The following CEP192 variants were observed in gnomAD, a reference collection of about 807,000 sequenced individuals.
CEP192 encodes the protein centrosomal protein of 192 kDa.
CEP192 carries 151 observed loss-of-function variants against 271.8 expected under a neutral mutation model. The ratio of observed to expected loss-of-function variants is 0.56; its 90% CI spans 0.49 to 0.64. CEP192 has a LOEUF of 0.64. CEP192 is among the 30% of genes least tolerant of loss of function. CEP192 has a pLI of 0.00. For missense variants in CEP192, 2,910 were observed against 3,020.5 expected, an observed-to-expected ratio of 0.96 and a Z score of 0.86; for synonymous variants, 995 against 1,076.5, an observed-to-expected ratio of 0.92 and a Z score of 1.48.
chr18:13,092,386 T>G lies in CEP192; in HGVS notation c.6113T>G (p.Leu2038Arg), dbSNP rs763043607. ...TTATTTTCTATTTCAGTATATGATCTTCCCCAACGACCTAATGATGTTCAG... is the reference window on the plus strand; with the variant it reads ...TTATTTTCTATTTCAGTATATGATCGTCCCCAACGACCTAATGATGTTCAG... The part of the protein sequence containing the change: ...DELLVTEVYD[L>R]PQRPNDVQLF... Residue 2038 changes from leucine to arginine, a missense_variant, in exon 34 of 45, where the codon CTT (leucine) becomes CGT (arginine). Physicochemically the swap from Leu to Arg is moderately radical, Grantham distance 102. Transcript: ENST00000506447. 1 of 1,591,818 alleles carries G rather than the reference T, an allele frequency of 6.3e-7. No homozygotes were observed. The highest frequency in any genetic ancestry group is 2.3e-5 in the East Asian group (1 of 44,384).
Position 13,124,664 on chromosome 18 carries a change from T to C in CEP192, c.7508T>C (p.Phe2503Ser), listed in dbSNP as rs778073668. 3 of 1,614,084 alleles carry C rather than the reference T, an allele frequency of 1.9e-6. No individual in the cohort carries two copies. Among genetic ancestry groups the C allele is most frequent in the Non-Finnish European group, 2.5e-6 (3 of 1,179,960 alleles). The change falls in exon 45 of 45, where the codon TTC becomes TCC. Residue 2503 changes from phenylalanine (F) to serine (S), a missense_variant. Transcript: ENST00000506447. Reference protein sequence around the residue: ...AQHYINMPVQFKPKSAGKFEA... With the variant: ...AQHYINMPVQSKPKSAGKFEA... ...CATTACATCAACATGCCCGTGCAGT[T>C]CAAACCGAAGTCCGCAGGCAAATTT...
intron 40 of CEP192, among the ~76,000 whole-genome samples, chr18:13,112,441 A>G (rs1204506635): frequency 1.3e-5 from 2 of 152,250 alleles, no homozygotes; most frequent in Non-Finnish European, 2.9e-5. Flanking sequence ...GAGAGAAAGT[A>G]GAGCCTGCTT....
At chr18:13,019,785 A>G (rs901514569) in intron 9 of CEP192, among the ~76,000 whole-genome samples, 2 of 151,740 alleles carry the variant, frequency 1.3e-5, no homozygotes, top group African/African-American at 4.8e-5. Context: ...TTTAAATTTT[A>G]ACTTGTAAAA....
At chr18:13,095,455 A>G in intron 34 of CEP192, 48 bp from the exon 35 acceptor site, 1 of 1,394,454 alleles carries the variant, frequency 7.2e-7, no homozygotes, top group Non-Finnish European at 9.9e-7. Context: ...TTAACTTCTC[A>G]GTCTCTTTCT....
intron 3 of CEP192, among the ~76,000 whole-genome samples, chr18:13,004,215 A>G (rs1284613343): frequency 6.6e-6 from 1 of 152,198 alleles, no homozygotes; most frequent in Admixed American, 6.5e-5. Context: ...GGCAGTAGAC[A>G]GCTTGTGGAG....
chr18:13,015,483 A>G (rs1364787186), intron 6 of CEP192, 35 bp downstream of exon 6: 1 of 1,545,300 alleles, frequency 6.5e-7, no homozygotes, highest in Non-Finnish European at 8.7e-7. Context: ...CCTGGTCTTC[A>G]CCTTGCCACT....
chr18:13,035,869 G>T (rs185494663), intron 11 of CEP192, among the ~76,000 whole-genome samples: 1 of 152,312 alleles, frequency 6.6e-6, no homozygotes, highest in Non-Finnish European at 1.5e-5. Flanking sequence ...CTTAGGCTGG[G>T]CATTTTGGCT....
chr18:13,113,259 G>C (rs1458629158), intron 40 of CEP192, among the ~76,000 whole-genome samples: 1 of 152,186 alleles, frequency 6.6e-6, no homozygotes, highest in South Asian at 2.1e-4. Context: ...AGACAATTGC[G>C]GGTCTGTGGT....
At chr18:13,080,801 A>T (rs957855056) in intron 30 of CEP192, among the ~76,000 whole-genome samples, 1 of 152,164 alleles carries the variant, frequency 6.6e-6, no homozygotes, top group Non-Finnish European at 1.5e-5. Context: ...TATTATTTTG[A>T]GATATATTCC....
intron 17 of CEP192, among the ~76,000 whole-genome samples, chr18:13,050,367 CA>C (rs1006016673): frequency 3.3e-5 from 5 of 152,038 alleles, no homozygotes; most frequent in African/African-American, 1.2e-4. Flanking sequence ...TGATTTGTTT[CA>C]AAATATTGGA....
chr18:12,999,604 G>A lies in CEP192; in HGVS notation c.164+16G>A, dbSNP rs2033478444. On this transcript the variant is annotated intron_variant, in intron 2 of 44. Transcript: ENST00000506447. ...CTGATAACAGGTAAGATTTGTTTGA[G>A]CAGATTTTTTTCCAGGTCCATAAAG... 1 of 1,508,694 alleles carries A rather than the reference G, an allele frequency of 6.6e-7. No individual in the cohort carries two copies. Among genetic ancestry groups the A allele is most frequent in the East Asian group, 2.5e-5 (1 of 39,700 alleles). The allele number at this position is 1,508,694 out of a possible 1,614,324, so 93.5% of individuals were successfully genotyped here.
chr18:13,031,104 T>A (rs1409638219), intron 11 of CEP192, among the ~76,000 whole-genome samples: 1 of 152,126 alleles, frequency 6.6e-6, no homozygotes, highest in Non-Finnish European at 1.5e-5. Context: ...GAAACTGGTT[T>A]AGGTCTACAC....
intron 44 of CEP192, among the ~76,000 whole-genome samples, chr18:13,118,409 G>C (rs540635097): frequency 1.3e-5 from 2 of 152,212 alleles, no homozygotes; most frequent in African/African-American, 2.4e-5. Flanking sequence ...GACCAGCGGT[G>C]CTGTACAGTT....
intron 34 of CEP192, among the ~76,000 whole-genome samples, chr18:13,092,969 A>C (rs1005049515): frequency 6.6e-6 from 1 of 152,108 alleles, no homozygotes; most frequent in African/African-American, 2.4e-5. Flanking sequence ...CCTGGCTAAC[A>C]CAGTGAAACC....
chr18:13,036,052 A>G (rs2035897830), intron 11 of CEP192, among the ~76,000 whole-genome samples: 1 of 151,994 alleles, frequency 6.6e-6, no homozygotes, highest in African/African-American at 2.4e-5. Flanking sequence ...AAGCTGAGGC[A>G]GGAGAATCGC....
At chr18:13,016,713 A>G (rs2034667368) in intron 6 of CEP192, among the ~76,000 whole-genome samples, 1 of 152,204 alleles carries the variant, frequency 6.6e-6, no homozygotes, top group Non-Finnish European at 1.5e-5. Flanking sequence ...CTGAGGGGTC[A>G]TGTTTTATTT....
intron 13 of CEP192, among the ~76,000 whole-genome samples, chr18:13,038,940 G>A (rs1314798110): frequency 6.6e-6 from 1 of 152,220 alleles, no homozygotes; most frequent in Non-Finnish European, 1.5e-5. Context: ...TTGGTGTGAA[G>A]AATTCTAAAA....
At chr18:13,090,096 AAATATTTAAC>A (rs897221459) in intron 33 of CEP192, among the ~76,000 whole-genome samples, 1 of 152,228 alleles carries the variant, frequency 6.6e-6, no homozygotes, top group African/African-American at 2.4e-5. Context: ...TAAACATTTC[AAATATTTAAC>A]AATATTTATT....
At chr18:13,063,887 C>A (rs1402804765) in intron 21 of CEP192, among the ~76,000 whole-genome samples, 1 of 147,436 alleles carries the variant, frequency 6.8e-6, no homozygotes, top group Non-Finnish European at 1.5e-5. Context: ...GTGGCGTGAT[C>A]TCGGCTCACT....
Sources: gnomAD v4.1 joint callset for allele counts (sites outside exome capture counted in the v4.1 genomes callset) on GRCh38, gnomAD v4.1.1 for gene constraint, MANE v1.5 for transcripts, NCBI Gene and HGNC (gene_info 2026-07-23, HGNC 2026-07-21) for gene names.